RBFOX1: variants seen among roughly 807,000 people sequenced by gnomAD.
The protein encoded by RBFOX1 is RNA binding protein fox-1 homolog 1.
Under a neutral mutation model 57.7 loss-of-function variants are expected in RBFOX1, and 8 were observed. That is an observed-to-expected ratio of 0.14 (90% CI 0.08 to 0.25). RBFOX1 has a LOEUF of 0.25. Among genes scored for constraint, RBFOX1 ranks in the 10% least tolerant of loss-of-function variants. The pLI, the probability that RBFOX1 is intolerant of heterozygous loss-of-function variation, is 1.00. For missense variants in RBFOX1, 611 were observed against 548.5 expected, an observed-to-expected ratio of 1.11 and a Z score of -1.14; for synonymous variants, 326 against 222.4, an observed-to-expected ratio of 1.47 and a Z score of -4.15.
intron 3 of RBFOX1, among the ~76,000 whole-genome samples, chr16:5,725,148 G>T (rs1023401352): frequency 6.6e-6 from 1 of 152,182 alleles, no homozygotes; most frequent in African/African-American, 2.4e-5. Flanking sequence ...CCTGATACCT[G>T]TTGCAGAGGA....
intron 2 of RBFOX1, among the ~76,000 whole-genome samples, chr16:6,487,536 G>A (rs1462030420): frequency 6.6e-6 from 1 of 151,448 alleles, no homozygotes; most frequent in Non-Finnish European, 1.5e-5. Flanking sequence ...GCTGTGGTTA[G>A]TTTCTAAGCA....
intron 1 of RBFOX1, among the ~76,000 whole-genome samples, chr16:5,465,873 G>A (rs1038910752): frequency 6.6e-6 from 1 of 152,146 alleles, no homozygotes; most frequent in African/African-American, 2.4e-5. Context: ...CAGATATGTT[G>A]TGCCTGAGAC....
At chr16:7,144,336 C>T (rs899913445) in intron 4 of RBFOX1, among the ~76,000 whole-genome samples, 1 of 151,484 alleles carries the variant, frequency 6.6e-6, no homozygotes, top group Non-Finnish European at 1.5e-5. Context: ...TTAGGGTTCA[C>T]ACTTTCTGGT....
intron 2 of RBFOX1, among the ~76,000 whole-genome samples, chr16:6,588,842 C>G (rs932814582): frequency 1.3e-5 from 2 of 152,196 alleles, no homozygotes; most frequent in African/African-American, 2.4e-5. Context: ...TGCTGTCTCA[C>G]TGCCTCCTTA....
intron 2 of RBFOX1, among the ~76,000 whole-genome samples, chr16:6,593,816 G>C (rs1302194744): frequency 6.6e-6 from 1 of 152,138 alleles, no homozygotes; most frequent in Non-Finnish European, 1.5e-5. Flanking sequence ...TTTTCAATGA[G>C]GACTACGGAT....
rs539930128 is a variant in RBFOX1 at position 5,873,367 on chromosome 16, T to A, written c.351+6032T>A. The stretch of plus-strand genomic sequence containing the variant: ...TCTCCACCCAAGGACAAGATCCACT[T>A]GAAGATCAGCAGTACTTTCCAATGA... On this transcript the variant is annotated intron_variant, in intron 4 of 19. Transcript: ENST00000641259. 5.3e-5 allele frequency among the ~76,000 whole-genome samples: 8 copies of A among 152,300 alleles called. No individual in the cohort carries two copies. In the South Asian group the frequency reaches 1.7e-3, roughly 32 times the overall value.
chr16:7,504,821 T>A (rs2072668203), intron 4 of RBFOX1, among the ~76,000 whole-genome samples: 1 of 113,550 alleles, frequency 8.8e-6, no homozygotes, highest in African/African-American at 4.6e-5. Flanking sequence ...ATATATATAG[T>A]GACTAACATT....
intron 2 of RBFOX1, among the ~76,000 whole-genome samples, chr16:6,541,969 T>A (rs1381742796): frequency 6.6e-6 from 1 of 151,878 alleles, no homozygotes; most frequent in Non-Finnish European, 1.5e-5. Flanking sequence ...ATTAAAGAGA[T>A]TAGGTCTCAC....
At chr16:5,519,450 A>G (rs1408511211) in intron 2 of RBFOX1, among the ~76,000 whole-genome samples, 19 of 152,178 alleles carry the variant, frequency 1.2e-4, no homozygotes, top group Non-Finnish European at 5.9e-5. Context: ...TGAGCTGGGT[A>G]TGGTGGCTCA....
intron 1 of RBFOX1, among the ~76,000 whole-genome samples, chr16:6,295,000 G>A (rs2077913059): frequency 6.6e-6 from 1 of 151,836 alleles, no homozygotes; most frequent in East Asian, 1.9e-4. Flanking sequence ...ATAGTAATCA[G>A]CATTGTTTTC....
intron 3 of RBFOX1, among the ~76,000 whole-genome samples, chr16:6,882,938 C>T (rs192033263): frequency 6.7e-4 from 102 of 152,228 alleles, no homozygotes; most frequent in African/African-American, 1.6e-3. Flanking sequence ...ATGTCTTAGG[C>T]GGCTTCCCCT....
chr16:6,925,456 A>ATTTT (rs1462465017), intron 3 of RBFOX1, among the ~76,000 whole-genome samples: 251 of 16,520 alleles, frequency 0.015, 1 homozygote, highest in African/African-American at 0.039. Context: ...TGGACTCCAC[A>ATTTT]TTTATTTATT....
At chr16:7,329,290 C>T (rs1027301233) in intron 4 of RBFOX1, among the ~76,000 whole-genome samples, 3 of 152,188 alleles carry the variant, frequency 2.0e-5, no homozygotes, top group Non-Finnish European at 4.4e-5. Context: ...CCAGAACTGC[C>T]CCACTCTCCT....
At chr16:6,964,998 G>C (rs2083797949) in intron 3 of RBFOX1, among the ~76,000 whole-genome samples, 2 of 152,150 alleles carry the variant, frequency 1.3e-5, no homozygotes, top group South Asian at 4.1e-4. Context: ...CTTCATAAAT[G>C]ATGGTGGAAA....
intron 9 of RBFOX1, among the ~76,000 whole-genome samples, chr16:7,598,033 A>G (rs147248528): frequency 3.5e-4 from 53 of 152,324 alleles, no homozygotes; most frequent in Admixed American, 2.9e-3. Flanking sequence ...TTTTATCAAT[A>G]AAACTTCTGA....
chr16:6,815,187 C>T (rs143389540), intron 3 of RBFOX1, among the ~76,000 whole-genome samples: 1 of 152,228 alleles, frequency 6.6e-6, no homozygotes, highest in African/African-American at 2.4e-5. Flanking sequence ...GTTGAGCATG[C>T]AAGTGCTTTA....
intron 4 of RBFOX1, among the ~76,000 whole-genome samples, chr16:7,441,214 C>T (rs1052136268): frequency 1.3e-5 from 2 of 152,128 alleles, no homozygotes; most frequent in Admixed American, 6.5e-5. Context: ...CATGACTTGG[C>T]GATTCGACCT....
intron 4 of RBFOX1, among the ~76,000 whole-genome samples, chr16:5,977,818 C>T (rs1596331518): frequency 1.3e-5 from 2 of 152,252 alleles, no homozygotes; most frequent in South Asian, 4.2e-4. Flanking sequence ...TGGCTCCCTT[C>T]TCTAGGTTTT....
At chr16:6,717,367 A>G (rs543229268) in intron 3 of RBFOX1, among the ~76,000 whole-genome samples, 23 of 152,294 alleles carry the variant, frequency 1.5e-4, no homozygotes, top group Admixed American at 5.9e-4. Context: ...TTCAAGATGT[A>G]TTACTCAACT....
Sources: gnomAD v4.1 joint callset for allele counts (sites outside exome capture counted in the v4.1 genomes callset) on GRCh38, gnomAD v4.1.1 for gene constraint, MANE v1.5 for transcripts, NCBI Gene and HGNC (gene_info 2026-07-23, HGNC 2026-07-21) for gene names.